Variants in AGBL1 observed in about 807,000 individuals in gnomAD.
AGBL1 encodes cytosolic carboxypeptidase 4.
In AGBL1, 130 loss-of-function variants were observed where a neutral mutation model predicts 118.9. That is an observed-to-expected ratio of 1.09 (90% CI 0.95 to 1.26). The LOEUF (loss-of-function observed/expected upper bound fraction) is 1.26, where lower values mean the gene tolerates loss of function less well. Ranked by LOEUF, AGBL1 falls within the 50% of genes most tolerant of loss-of-function variation. The pLI, the probability that AGBL1 is intolerant of heterozygous loss-of-function variation, is 0.00. For missense variants in AGBL1, 1,584 were observed against 1,298.1 expected, an observed-to-expected ratio of 1.22 and a Z score of -3.38; for synonymous variants, 555 against 478.9, an observed-to-expected ratio of 1.16 and a Z score of -2.08.
intron 1 of AGBL1, 40 bp downstream of exon 1, chr15:86,080,063 GGT>G: frequency 8.1e-7 from 1 of 1,230,774 alleles, no homozygotes; most frequent in Non-Finnish European, 1.0e-6. Flanking sequence ...CGGCGGGCTG[GGT>G]GTTTGCCTGG....
intron 22 of AGBL1, among the ~76,000 whole-genome samples, chr15:86,806,745 TCTC>T (rs1018815028): frequency 1.3e-4 from 20 of 151,286 alleles, no homozygotes; most frequent in African/African-American, 4.6e-4. Context: ...ATATAAAAGT[TCTC>T]ATTATTATTT....
At chr15:86,197,320 C>A (rs1046752555) in intron 5 of AGBL1, among the ~76,000 whole-genome samples, 2 of 152,172 alleles carry the variant, frequency 1.3e-5, no homozygotes, top group African/African-American at 2.4e-5. Flanking sequence ...AAAGCCTCCA[C>A]CTGCTTACAG....
intron 22 of AGBL1, among the ~76,000 whole-genome samples, chr15:86,787,379 C>T (rs1239169258): frequency 6.6e-6 from 1 of 152,092 alleles, no homozygotes; most frequent in Non-Finnish European, 1.5e-5. Context: ...CTTACTCATT[C>T]TATGTAACTG....
Position 86,907,178 on chromosome 15 carries a change from G to C in AGBL1, c.3250G>C (p.Asp1084His), listed in dbSNP as rs1428375329. 6.6e-6 allele frequency: 1 copy of C among 152,246 alleles called. No individual in the cohort carries two copies. The highest frequency in any genetic ancestry group is 1.5e-5 in the Non-Finnish European group (1 of 68,108). 9.4% of individuals were successfully genotyped at this position (152,246 alleles called of 1,614,324 possible). A position where few individuals can be genotyped will look rare whatever the true frequency, so the allele number is the denominator to read the frequency against. The change falls in exon 23 of 23, where the codon GAC becomes CAC. Residue 1084 changes from aspartate (D) to histidine (H), a missense_variant. Asp to His is a moderately conservative substitution (Grantham distance 81). Coordinates refer to ENST00000614907, the MANE Select transcript of AGBL1 (RefSeq NM_001386094.1). ...TGATTACAGTACCGACAACAGCTCA[G>C]ACCAGGAAGGGAGCTTGTCTGAGCT... ...EIDYSTDNSS[D>H]QEGSLSELDR...
chr15:86,106,768 A>C (rs556962525), intron 1 of AGBL1, among the ~76,000 whole-genome samples: 1 of 152,254 alleles, frequency 6.6e-6, no homozygotes, highest in African/African-American at 2.4e-5. Context: ...TGTCTAGATA[A>C]TAATTTCTCT....
At chr15:86,264,190 A>G (rs2079035136) in intron 10 of AGBL1, 68 bp from the exon 11 acceptor site, 3 of 1,285,376 alleles carry the variant, frequency 2.3e-6, no homozygotes, top group South Asian at 1.5e-5. Context: ...GAGTAAGGAC[A>G]GGGATCAAAT....
At chr15:86,261,734 A>G (rs1346054623) in intron 9 of AGBL1, among the ~76,000 whole-genome samples, 2 of 152,176 alleles carry the variant, frequency 1.3e-5, no homozygotes, top group African/African-American at 4.8e-5. Context: ...TGGAAAACAC[A>G]CAAGTATTCA....
intron 22 of AGBL1, among the ~76,000 whole-genome samples, chr15:86,688,902 T>G (rs756061812): frequency 6.6e-6 from 1 of 152,158 alleles, no homozygotes; most frequent in Non-Finnish European, 1.5e-5. Flanking sequence ...ACAACTGACT[T>G]GCTTTCTGTC....
intron 22 of AGBL1, among the ~76,000 whole-genome samples, chr15:86,887,976 G>T (rs1596594570): frequency 6.6e-6 from 1 of 152,070 alleles, no homozygotes; most frequent in East Asian, 1.9e-4. Context: ...AAAAGAATGA[G>T]AAAAATATAA....
intron 22 of AGBL1, among the ~76,000 whole-genome samples, chr15:86,781,381 G>A (rs566643070): frequency 6.6e-6 from 1 of 151,950 alleles, no homozygotes. Flanking sequence ...TTGTTTATAG[G>A]TTTCCCTTAA....
intron 24 of AGBL1, among the ~76,000 whole-genome samples, chr15:87,013,305 T>A (rs1320293767): frequency 1.3e-5 from 2 of 152,072 alleles, no homozygotes; most frequent in Admixed American, 6.6e-5. Flanking sequence ...CCAGCCCTGG[T>A]CTCTTTGTTA....
chr15:86,982,941 C>T (rs914923118), intron 23 of AGBL1, among the ~76,000 whole-genome samples: 2 of 152,140 alleles, frequency 1.3e-5, no homozygotes, highest in Non-Finnish European at 1.5e-5. Flanking sequence ...TCTTGAGAAC[C>T]TGTGAGTTTG....
chr15:86,836,343 C>T (rs939254787), intron 22 of AGBL1, among the ~76,000 whole-genome samples: 2 of 152,170 alleles, frequency 1.3e-5, no homozygotes, highest in Non-Finnish European at 2.9e-5. Flanking sequence ...AACCAGCTCT[C>T]AGATCTTCGT....
intron 22 of AGBL1, among the ~76,000 whole-genome samples, chr15:86,875,103 T>G (rs2079788312): frequency 6.6e-6 from 1 of 152,210 alleles, no homozygotes; most frequent in African/African-American, 2.4e-5. Flanking sequence ...CTTGTTTTTC[T>G]TAGATGCTTT....
At chr15:86,714,782 C>T (rs569011437) in intron 22 of AGBL1, among the ~76,000 whole-genome samples, 26 of 152,112 alleles carry the variant, frequency 1.7e-4, no homozygotes, top group African/African-American at 5.8e-4. Context: ...CATTCTACCA[C>T]GATGTAAAGG....
intron 22 of AGBL1, among the ~76,000 whole-genome samples, chr15:86,714,189 G>A (rs2086603281): frequency 6.6e-6 from 1 of 152,056 alleles, no homozygotes; most frequent in Admixed American, 6.6e-5. Flanking sequence ...CAATGATAAG[G>A]GGCCCAAGAA....
At chr15:86,763,653 T>G (rs886937051) in intron 22 of AGBL1, among the ~76,000 whole-genome samples, 1 of 152,002 alleles carries the variant, frequency 6.6e-6, no homozygotes, top group African/African-American at 2.4e-5. Context: ...TGGCCAAGAT[T>G]ATTGTCACTT....
At chr15:86,584,534 A>G (rs2084218819) in intron 21 of AGBL1, among the ~76,000 whole-genome samples, 1 of 152,036 alleles carries the variant, frequency 6.6e-6, no homozygotes, top group South Asian at 2.1e-4. Flanking sequence ...ATTCTGTTCC[A>G]TTGGTATTTA....
At chr15:86,709,501 C>G (rs1233676242) in intron 22 of AGBL1, among the ~76,000 whole-genome samples, 1 of 152,120 alleles carries the variant, frequency 6.6e-6, no homozygotes, top group Non-Finnish European at 1.5e-5. Flanking sequence ...ATGGCATTGG[C>G]TCGAAATATA....
Sources: gnomAD v4.1 joint callset for allele counts (sites outside exome capture counted in the v4.1 genomes callset) on GRCh38, gnomAD v4.1.1 for gene constraint, MANE v1.5 for transcripts, NCBI Gene and HGNC (gene_info 2026-07-23, HGNC 2026-07-21) for gene names.